The following MBNL1 variants were observed in gnomAD, a reference collection of about 807,000 sequenced individuals.
MBNL1 encodes the protein muscleblind like splicing regulator 1.
MBNL1 carries 8 observed loss-of-function variants against 42.2 expected under a neutral mutation model. That is an observed-to-expected ratio of 0.19 (90% CI 0.11 to 0.34). The LOEUF (loss-of-function observed/expected upper bound fraction) is 0.34. Among genes scored for constraint, MBNL1 ranks in the 10% least tolerant of loss-of-function variants. MBNL1 has a pLI of 1.00. For synonymous variants in MBNL1, 169 were observed against 173.9 expected (o/e 0.97, Z 0.22); for missense variants, 309 against 495.3 (o/e 0.62, Z 3.57).
At position 152,332,739 on chromosome 3, in the gene MBNL1, T is replaced by TGTGTGC. The variant is rs1256022678; in HGVS notation, c.174+32373_174+32374insTGTGCG. ...GTGTGTGTGTGTGTGTGTGTGTGTG[T>TGTGTGC]GCGCGCGCGCATGCGCACACACTAG... is the stretch of plus-strand genomic sequence containing the variant. On this transcript the variant is annotated intron_variant, in intron 2 of 9. Transcript: ENST00000324210. Among the ~76,000 whole-genome samples the TGTGTGC allele has an allele frequency of 5.5e-3, 635 of 115,636 alleles. 4 individuals are homozygous for TGTGTGC. Among genetic ancestry groups the TGTGTGC allele is most frequent in the Admixed American group, 9.4e-3 (118 of 12,530 alleles). The allele number at this position is 115,636 out of a possible 152,430, so 75.9% of individuals were successfully genotyped here.
intron 3 of MBNL1, among the ~76,000 whole-genome samples, chr3:152,429,105 A>C (rs915440510): frequency 6.6e-6 from 1 of 152,336 alleles, no homozygotes; most frequent in East Asian, 1.9e-4. Context: ...ACAAAAGAAA[A>C]GAAAATTACC....
chr3:152,392,406 C>G (rs955231598), intron 2 of MBNL1, among the ~76,000 whole-genome samples: 1 of 152,106 alleles, frequency 6.6e-6, no homozygotes, highest in African/African-American at 2.4e-5. Context: ...CAAATTGAGC[C>G]TTTTGTACAT....
At chr3:152,373,228 G>C (rs2096748873) in intron 2 of MBNL1, among the ~76,000 whole-genome samples, 1 of 151,718 alleles carries the variant, frequency 6.6e-6, no homozygotes. Context: ...ATTTTAGCTT[G>C]CTGGGCTCTG....
At chr3:152,294,519 C>T (rs1484731467) in intron 1 of MBNL1, among the ~76,000 whole-genome samples, 6 of 151,924 alleles carry the variant, frequency 3.9e-5, no homozygotes, top group African/African-American at 9.7e-5. Flanking sequence ...CTCCTGACCT[C>T]GTGATCTGCC....
In MBNL1 at chr3:152,284,565, AG is replaced by A. The variant is rs149162720; in HGVS notation, c.-789-14839del. On this transcript the variant is annotated intron_variant, in intron 1 of 9. Coordinates refer to ENST00000324210, the MANE Select transcript of MBNL1 (RefSeq NM_021038.5). ...CAAAAGTAATTGCAGTTTTAAAAAA[AG>A]ATCGCAAAAACTGAAATTACTTTTG... Among the ~76,000 whole-genome samples, 868 of 152,128 alleles carry A rather than the reference AG, an allele frequency of 5.7e-3. 8 individuals are homozygous for A. Among genetic ancestry groups the A allele is most frequent in the African/African-American group, 0.02 (828 of 41,510 alleles).
At chr3:152,376,185 T>C (rs2096890871) in intron 2 of MBNL1, among the ~76,000 whole-genome samples, 1 of 152,220 alleles carries the variant, frequency 6.6e-6, no homozygotes, top group African/African-American at 2.4e-5. Context: ...TGACATACTT[T>C]ACAAAAGTTT....
chr3:152,434,824 G>A (rs558057872), intron 4 of MBNL1, among the ~76,000 whole-genome samples: 30 of 152,202 alleles, frequency 2.0e-4, no homozygotes, highest in Admixed American at 2.6e-4. Flanking sequence ...TCATATGCTT[G>A]TTGGCCACAT....
chr3:152,348,840 C>A (rs1417800333), intron 2 of MBNL1, among the ~76,000 whole-genome samples: 2 of 151,980 alleles, frequency 1.3e-5, no homozygotes, highest in African/African-American at 4.8e-5. Context: ...GCAGCAATAT[C>A]CAAAGTGTAT....
chr3:152,447,841 A>G, intron 6 of MBNL1, 68 bp downstream of exon 6: 1 of 1,424,834 alleles, frequency 7.0e-7, no homozygotes, highest in Non-Finnish European at 9.6e-7. Context: ...TAGAGCAGAT[A>G]AACCACACCC....
At chr3:152,264,540 C>T (rs890120679), upstream of MBNL1, 7 of 152,022 alleles carry the variant, frequency 4.6e-5, no homozygotes, top group African/African-American at 1.4e-4. Context: ...AAATGAATGG[C>T]CTGAGAGAGT....
chr3:152,276,999 G>A (rs2045610528), intron 1 of MBNL1, among the ~76,000 whole-genome samples: 1 of 152,044 alleles, frequency 6.6e-6, no homozygotes, highest in South Asian at 2.1e-4. Context: ...GATATTAAAG[G>A]CAATGGGGGT....
intron 2 of MBNL1, chr3:152,337,989 A>ATTT: frequency 6.0e-6 from 4 of 666,960 alleles, no homozygotes; most frequent in Non-Finnish European, 7.4e-6. Context: ...GCACCCTGGG[A>ATTT]TTTTTTTTTT....
chr3:152,328,641 G>A (rs970503414), intron 2 of MBNL1, among the ~76,000 whole-genome samples: 2 of 152,060 alleles, frequency 1.3e-5, no homozygotes, highest in African/African-American at 2.4e-5. Flanking sequence ...ATGACATTAC[G>A]GAGAAGTACT....
chr3:152,294,812 A>G (rs2057855153), intron 1 of MBNL1, among the ~76,000 whole-genome samples: 1 of 151,828 alleles, frequency 6.6e-6, no homozygotes, highest in Non-Finnish European at 1.5e-5. Context: ...GTAGAACAAA[A>G]CCCCATTACT....
intron 2 of MBNL1, among the ~76,000 whole-genome samples, chr3:152,330,933 ATACAGTCAGGTAAGCCATTCCCAT>A: frequency 6.6e-6 from 1 of 152,146 alleles, no homozygotes; most frequent in East Asian, 1.9e-4. Flanking sequence ...TATCTACTAT[ATACAGTCAGGTAAGCCATTCCCAT>A]TGATTTTATT....
At chr3:152,422,097 A>G (rs896035122) in intron 3 of MBNL1, among the ~76,000 whole-genome samples, 3 of 152,196 alleles carry the variant, frequency 2.0e-5, no homozygotes, top group Admixed American at 6.5e-5. Context: ...CCTTAAATGT[A>G]AACAGGCTAA....
chr3:152,323,545 A>G (rs1276148417), intron 2 of MBNL1, among the ~76,000 whole-genome samples: 1 of 152,142 alleles, frequency 6.6e-6, no homozygotes, highest in Non-Finnish European at 1.5e-5. Context: ...TGTGTACATC[A>G]TAGAGTATAC....
intron 4 of MBNL1, among the ~76,000 whole-genome samples, chr3:152,439,175 ATTG>A (rs771069731): frequency 2.4e-4 from 36 of 152,318 alleles, no homozygotes; most frequent in African/African-American, 8.4e-4. Context: ...TGGGCCACTA[ATTG>A]TTGTATGTTT....
At position 152,348,286 on chromosome 3, in the gene MBNL1, G is replaced by C. The variant is rs1361787571; in HGVS notation, c.174+47919G>C. On this transcript the variant is annotated intron_variant, in intron 2 of 9. Transcript: ENST00000324210. ...CAAAAAATTTTTATTTGCTCAAACA[G>C]GTGGATAAGCCAATGTGTATTTACT... Among the ~76,000 whole-genome samples the C allele has an allele frequency of 2.0e-5, 3 of 152,212 alleles. No homozygotes were observed. The East Asian group carries it at 5.8e-4, about 29-fold the overall frequency.
Sources: gnomAD v4.1 joint callset for allele counts (sites outside exome capture counted in the v4.1 genomes callset) on GRCh38, gnomAD v4.1.1 for gene constraint, MANE v1.5 for transcripts, NCBI Gene and HGNC (gene_info 2026-07-23, HGNC 2026-07-21) for gene names.